The following MBD5 variants were observed in gnomAD, a reference collection of about 807,000 sequenced individuals.
MBD5 encodes methyl-CpG-binding domain protein 5.
A neutral mutation model predicts 117.3 loss-of-function variants in MBD5; 13 were observed. The ratio of observed to expected loss-of-function variants is 0.11; its 90% CI spans 0.07 to 0.18. MBD5 has a LOEUF of 0.18. Among genes scored for constraint, MBD5 ranks in the 10% least tolerant of loss-of-function variants. The pLI, the probability that MBD5 is intolerant of heterozygous loss-of-function variation, is 1.00. For missense variants in MBD5, 1,879 were observed against 2,093.8 expected, an observed-to-expected ratio of 0.90 and a Z score of 2.00; for synonymous variants, 727 against 766.4, an observed-to-expected ratio of 0.95 and a Z score of 0.85.
At chr2:148,452,370 G>T (rs1186535066) in intron 4 of MBD5, among the ~76,000 whole-genome samples, 1 of 151,960 alleles carries the variant, frequency 6.6e-6, no homozygotes, top group African/African-American at 2.4e-5. Context: ...GCCTGGTTTG[G>T]ACACCTGTGA....
At chr2:148,446,799 T>C (rs1706547756) in intron 4 of MBD5, among the ~76,000 whole-genome samples, 1 of 152,042 alleles carries the variant, frequency 6.6e-6, no homozygotes, top group Non-Finnish European at 1.5e-5. Context: ...GGAAGAGCCT[T>C]GTCACACAGA....
At chr2:148,318,226 G>A (rs1290023933) in intron 3 of MBD5, among the ~76,000 whole-genome samples, 4 of 150,736 alleles carry the variant, frequency 2.7e-5, no homozygotes, top group East Asian at 1.9e-4. Context: ...GCATTTTTTC[G>A]TGTGTTTGTT....
intron 3 of MBD5, among the ~76,000 whole-genome samples, chr2:148,337,717 A>G (rs1702835301): frequency 6.6e-6 from 1 of 152,178 alleles, no homozygotes; most frequent in African/African-American, 2.4e-5. Context: ...AGCATTTGTA[A>G]TTTGGCTTCT....
At chr2:148,151,266 C>T (rs1229071732) in intron 1 of MBD5, among the ~76,000 whole-genome samples, 13 of 151,908 alleles carry the variant, frequency 8.6e-5, no homozygotes, top group African/African-American at 3.1e-4. Context: ...ATATATTGAA[C>T]CAGCCTTGCA....
chr2:148,414,410 A>G (rs1244015714), intron 4 of MBD5, among the ~76,000 whole-genome samples: 2 of 152,180 alleles, frequency 1.3e-5, no homozygotes, highest in Non-Finnish European at 2.9e-5. Context: ...AGTTTGTGCC[A>G]TGTGCATATG....
At chr2:148,297,986 C>T (rs1355244310) in intron 3 of MBD5, among the ~76,000 whole-genome samples, 1 of 152,216 alleles carries the variant, frequency 6.6e-6, no homozygotes. Context: ...AGGTTAGGAA[C>T]AGCAGCCCAC....
intron 1 of MBD5, among the ~76,000 whole-genome samples, chr2:148,098,707 G>A (rs1341183446): frequency 1.3e-5 from 2 of 152,096 alleles, no homozygotes; most frequent in Non-Finnish European, 2.9e-5. Context: ...GTCCCGTGGT[G>A]ATTCTATGTA....
At chr2:148,308,138 A>T (rs1206114965) in intron 3 of MBD5, among the ~76,000 whole-genome samples, 1 of 152,078 alleles carries the variant, frequency 6.6e-6, no homozygotes, top group Non-Finnish European at 1.5e-5. Context: ...GTGATATATA[A>T]TCCTTTGGGT....
chr2:148,289,954 C>CTT (rs70995304), intron 3 of MBD5, among the ~76,000 whole-genome samples: 1 of 99,242 alleles, frequency 1.0e-5, no homozygotes, highest in African/African-American at 3.6e-5. Flanking sequence ...CATGTATTAC[C>CTT]TTTTTTTTTT....
chr2:148,193,039 G>A (rs62183929), intron 2 of MBD5, among the ~76,000 whole-genome samples: 4,532 of 78,192 alleles, frequency 0.058, 122 homozygotes, highest in South Asian at 0.12. Context: ...ATACCTAGGA[G>A]TCCAACTTAC....
At chr2:148,373,733 C>T (rs766643061) in intron 4 of MBD5, among the ~76,000 whole-genome samples, 1 of 152,062 alleles carries the variant, frequency 6.6e-6, no homozygotes, top group Non-Finnish European at 1.5e-5. Flanking sequence ...AAAGCACAAA[C>T]CAAATAAGCT....
intron 1 of MBD5, among the ~76,000 whole-genome samples, chr2:148,079,258 G>A (rs73964200): frequency 0.011 from 1,616 of 152,248 alleles, 35 homozygotes; most frequent in African/African-American, 0.037. Flanking sequence ...ATTTCAAAAT[G>A]ACTGACTTTG....
chr2:148,427,494 A>T (rs980397865), intron 4 of MBD5, among the ~76,000 whole-genome samples: 4 of 152,200 alleles, frequency 2.6e-5, no homozygotes, highest in African/African-American at 4.8e-5. Flanking sequence ...TTGTAGGGAC[A>T]TGGATGAAGC....
intron 4 of MBD5, among the ~76,000 whole-genome samples, chr2:148,349,150 A>G (rs1255900618): frequency 6.6e-6 from 1 of 151,986 alleles, no homozygotes; most frequent in Non-Finnish European, 1.5e-5. Flanking sequence ...AGGTCTCAGT[A>G]GTTAAAAAGC....
intron 1 of MBD5, among the ~76,000 whole-genome samples, chr2:148,036,515 G>T (rs1467724958): frequency 2.1e-4 from 32 of 152,088 alleles, no homozygotes; most frequent in Non-Finnish European, 1.0e-4. Flanking sequence ...ATTTAAATGG[G>T]TGTAGACAAT....
chr2:148,341,072 A>G (rs1037078427), intron 3 of MBD5, among the ~76,000 whole-genome samples: 9 of 152,000 alleles, frequency 5.9e-5, no homozygotes, highest in South Asian at 2.1e-4. Context: ...ACCCCACTTG[A>G]AAGTAAGTGG....
chr2:148,492,784 C>T (rs1320370495), intron 11 of MBD5, among the ~76,000 whole-genome samples: 2 of 151,976 alleles, frequency 1.3e-5, no homozygotes, highest in African/African-American at 4.8e-5. Context: ...TGTCTGACTT[C>T]AAGCCAAGTG....
intron 4 of MBD5, among the ~76,000 whole-genome samples, chr2:148,446,200 C>T (rs1264975683): frequency 2.0e-5 from 3 of 151,682 alleles, no homozygotes; most frequent in African/African-American, 4.9e-5. Context: ...GACATGAAGC[C>T]CTTGCCCACG....
intron 4 of MBD5, among the ~76,000 whole-genome samples, chr2:148,453,408 TACAC>T (rs1444540452): frequency 6.6e-6 from 1 of 151,990 alleles, no homozygotes; most frequent in African/African-American, 2.4e-5. Flanking sequence ...CCTCAGAACA[TACAC>T]ACAGGCACAC....
Sources: gnomAD v4.1 joint callset for allele counts (sites outside exome capture counted in the v4.1 genomes callset) on GRCh38, gnomAD v4.1.1 for gene constraint, MANE v1.5 for transcripts, NCBI Gene and HGNC (gene_info 2026-07-23, HGNC 2026-07-21) for gene names.